SH3BP4: variants seen among roughly 807,000 people sequenced by gnomAD.
SH3BP4 encodes the protein SH3 domain-binding protein 4.
Under a neutral mutation model 65.5 loss-of-function variants are expected in SH3BP4, and 33 were observed. The observed-to-expected ratio is 0.50, with a 90% CI of 0.38 to 0.67. The LOEUF is 0.67. Ranked by LOEUF, SH3BP4 falls within the 30% of genes least tolerant of loss-of-function variation. The pLI is 0.00. For missense variants in SH3BP4, 1,134 were observed against 1,261.4 expected, an observed-to-expected ratio of 0.90 and a Z score of 1.53; for synonymous variants, 552 against 545.5, an observed-to-expected ratio of 1.01 and a Z score of -0.17.
At chr2:235,004,499 C>A (rs1012764041) in intron 2 of SH3BP4, among the ~76,000 whole-genome samples, 3 of 152,186 alleles carry the variant, frequency 2.0e-5, no homozygotes, top group African/African-American at 7.2e-5. Flanking sequence ...TTTTTCAACC[C>A]TAAAGGGCAC....
intron 1 of SH3BP4, among the ~76,000 whole-genome samples, chr2:234,969,914 CTG>C (rs1016584801): frequency 3.1e-4 from 47 of 151,630 alleles, no homozygotes; most frequent in African/African-American, 1.1e-3. Flanking sequence ...TACACACACT[CTG>C]TCACACACAC....
rs763848523 is a variant in SH3BP4, at chr2:235,043,166, G to A, written c.2397G>A (p.Ala799=). The A allele has an allele frequency of 5.5e-5, 89 of 1,612,114 alleles. No individual in the cohort carries two copies. Among genetic ancestry groups the A allele is most frequent in the Non-Finnish European group, 6.8e-5 (80 of 1,179,010 alleles). The change falls in exon 4 of 6, where the codon GCG becomes GCA. Residue 799 remains alanine (A), a synonymous_variant. Transcript: ENST00000392011. The stretch of plus-strand genomic sequence containing the variant: ...TGGATAGTGAGCCCGAGCGGGTGGC[G>A]TCCGTCCTAGAAAAGCTGAAGGAGG... The part of the protein sequence containing the change: ...AELDSEPERV[A]SVLEKLKEDC...
At chr2:235,037,234 G>A (rs978709834) in intron 3 of SH3BP4, among the ~76,000 whole-genome samples, 6 of 152,232 alleles carry the variant, frequency 3.9e-5, no homozygotes, top group African/African-American at 1.4e-4. Context: ...GATAGAATTC[G>A]TTAGGGATTC....
Position 234,991,656 on chromosome 2 carries a change from G to A in SH3BP4, c.-206-3647G>A, listed in dbSNP as rs1324891480. Among the ~76,000 whole-genome samples, 1 of 152,208 alleles carries A rather than the reference G, an allele frequency of 6.6e-6. No homozygotes were observed. Among genetic ancestry groups the A allele is most frequent in the Non-Finnish European group, 1.5e-5 (1 of 68,034 alleles). On this transcript the variant is annotated intron_variant, in intron 1 of 5. Transcript: ENST00000392011. The surrounding 1 kb of genome is among the most constrained non-coding windows in gnomAD (Gnocchi z 4.2). ...CTGGTGGTGCCCACAGGAGAACAGT[G>A]CTTGACTGAAAGATCGTACCCCCCT...
At chr2:234,960,219 G>A (rs969202700) in intron 1 of SH3BP4, among the ~76,000 whole-genome samples, 4 of 152,256 alleles carry the variant, frequency 2.6e-5, no homozygotes, top group Non-Finnish European at 4.4e-5. Flanking sequence ...GCAAAGTGGT[G>A]AATACAGATA....
intron 1 of SH3BP4, among the ~76,000 whole-genome samples, chr2:234,982,357 G>A (rs760116586): frequency 5.9e-5 from 9 of 152,138 alleles, no homozygotes; most frequent in Admixed American, 1.3e-4. Context: ...GGCTGGGGTC[G>A]TGTGCCCACT....
chr2:235,016,600 G>A (rs1694691108), intron 2 of SH3BP4, among the ~76,000 whole-genome samples: 1 of 151,918 alleles, frequency 6.6e-6, no homozygotes, highest in Admixed American at 6.6e-5. Flanking sequence ...CTCTGCCCTC[G>A]TGAGTTCAAG....
Position 234,991,755 on chromosome 2 carries a change from A to T in SH3BP4, c.-206-3548A>T, listed in dbSNP as rs986881975. On this transcript the variant is annotated intron_variant, in intron 1 of 5. Coordinates refer to ENST00000392011, the MANE Select transcript of SH3BP4 (RefSeq NM_014521.3). This position sits in a 1 kb window ranked among gnomAD's most constrained non-coding sequence, Gnocchi z 4.2. ...GTTGATCAGGAGTTGGGGAAGTGGA[A>T]AGGGGCCAGCGGTCTTGTCCACTGA... 6.6e-6 allele frequency among the ~76,000 whole-genome samples: 1 copy of T among 152,144 alleles called. No homozygotes were observed. The highest frequency in any genetic ancestry group is 1.5e-5 in the Non-Finnish European group (1 of 68,020).
intron 1 of SH3BP4, among the ~76,000 whole-genome samples, chr2:234,970,047 TCACA>T (rs1017031415): frequency 2.1e-5 from 3 of 143,262 alleles, no homozygotes; most frequent in South Asian, 2.2e-4. Context: ...ATACACTTAC[TCACA>T]CACACTCATA....
chr2:235,034,763 C>T lies in SH3BP4; in HGVS notation c.-132-108C>T. Reference sequence around the variant, plus strand: ...CCAGGAAAGATGAAATGGGTCTGTCCTCATTAGAACAGCCTGGAAGAAAGA... The same window carrying T: ...CCAGGAAAGATGAAATGGGTCTGTCTTCATTAGAACAGCCTGGAAGAAAGA... On this transcript the variant is annotated intron_variant, in intron 2 of 5. Coordinates refer to ENST00000392011, the MANE Select transcript of SH3BP4 (RefSeq NM_014521.3). This position sits in a 1 kb window ranked among gnomAD's most constrained non-coding sequence, Gnocchi z 6.2. 1 of 509,170 alleles carries T rather than the reference C, an allele frequency of 2.0e-6. No individual in the cohort carries two copies. The highest frequency in any genetic ancestry group is 3.6e-6 in the Non-Finnish European group (1 of 281,164). The allele number at this position is 509,170 out of a possible 1,614,324, so 31.5% of individuals were successfully genotyped here.
chr2:235,043,197 A>G lies in SH3BP4; in HGVS notation c.2428A>G (p.Asn810Asp), dbSNP rs1384569175. The G allele has an allele frequency of 6.2e-7, 1 of 1,601,100 alleles. No individual in the cohort carries two copies. The highest frequency in any genetic ancestry group is 1.3e-5 in the African/African-American group (1 of 74,664). ...CCTAGAAAAGCTGAAGGAGGACTGT[A>G]ACAACACTGAGAACAAAGAACGGAA... ...SVLEKLKEDC[N>D]NTENKERKSF... The change falls in exon 4 of 6, where the codon AAC becomes GAC. Residue 810 changes from asparagine (N) to aspartate (D), a missense_variant. Transcript: ENST00000392011.
rs138389357 is a variant in SH3BP4 at position 235,015,832 on chromosome 2, T to C, written c.-132-19039T>C. ...TAACACGTCATCCAGGGAAGCTCCC[T>C]CTCAGGTGTCCTCCTGCATGGTATT... On this transcript the variant is annotated intron_variant, in intron 2 of 5. Coordinates refer to ENST00000392011, the MANE Select transcript of SH3BP4 (RefSeq NM_014521.3). Among the ~76,000 whole-genome samples, 667 of 152,180 alleles carry C rather than the reference T, an allele frequency of 4.4e-3. 9 individuals are homozygous for C. Among genetic ancestry groups the C allele is most frequent in the African/African-American group, 0.015 (632 of 41,526 alleles).
Position 235,054,026 on chromosome 2 carries a change from A to G in SH3BP4, c.*210A>G, listed in dbSNP as rs868805925. 1.4e-4 allele frequency: 74 copies of G among 513,760 alleles called. No homozygotes were observed. The highest frequency in any genetic ancestry group is 1.0e-3 in the Middle Eastern group (2 of 1,992). The allele number at this position is 513,760 out of a possible 1,614,324, so 31.8% of individuals were successfully genotyped here. On this transcript the variant is annotated 3_prime_UTR_variant, in exon 6 of 6. Coordinates refer to ENST00000392011, the MANE Select transcript of SH3BP4 (RefSeq NM_014521.3). ...CCTACTGCAGCTCGTTGCCAATCACATAGCTTTCTATTTGTTAAGTATAAA... is the reference window on the plus strand; with the variant it reads ...CCTACTGCAGCTCGTTGCCAATCACGTAGCTTTCTATTTGTTAAGTATAAA...
rs762788769 is a variant in SH3BP4, at chr2:235,040,910, C to T, written c.141C>T (p.Leu47=). Reference sequence around the variant, plus strand: ...CAGTGCCTTCTCCCAGTGCCTTGCTCGTAGACAACCCCACACCTTTCGGAA... The same window carrying T: ...CAGTGCCTTCTCCCAGTGCCTTGCTTGTAGACAACCCCACACCTTTCGGAA... ...DIKVPSPSAL[L]VDNPTPFGNA... The change falls in exon 4 of 6, where the codon CTC becomes CTT. Residue 47 remains leucine, a synonymous_variant. Coordinates refer to ENST00000392011, the MANE Select transcript of SH3BP4 (RefSeq NM_014521.3). 5 of 1,612,106 alleles carry T rather than the reference C, an allele frequency of 3.1e-6. No homozygotes were observed. The highest frequency in any genetic ancestry group is 3.3e-5 in the Admixed American group (2 of 59,980).
intron 2 of SH3BP4, among the ~76,000 whole-genome samples, chr2:235,006,895 T>C (rs1400332369): frequency 6.6e-6 from 1 of 151,918 alleles, no homozygotes; most frequent in African/African-American, 2.4e-5. Flanking sequence ...TGGTGTTTAG[T>C]GAAGAAGATT....
At chr2:235,013,604 C>G (rs1055216082) in intron 2 of SH3BP4, among the ~76,000 whole-genome samples, 9 of 152,212 alleles carry the variant, frequency 5.9e-5, no homozygotes, top group African/African-American at 2.2e-4. Context: ...ATCAACACTG[C>G]CTCAAGAGCT....
rs1276925187 is a variant in SH3BP4, at chr2:234,991,650, A to T, written c.-206-3653A>T. On this transcript the variant is annotated intron_variant, in intron 1 of 5. Coordinates refer to ENST00000392011, the MANE Select transcript of SH3BP4 (RefSeq NM_014521.3). The surrounding 1 kb of genome is among the most constrained non-coding windows in gnomAD (Gnocchi z 4.2). ...TGGTGTCTGGTGGTGCCCACAGGAG[A>T]ACAGTGCTTGACTGAAAGATCGTAC... Among the ~76,000 whole-genome samples the T allele has an allele frequency of 6.6e-6, 1 of 152,140 alleles. No homozygotes were observed. The highest frequency in any genetic ancestry group is 2.4e-5 in the African/African-American group (1 of 41,424).
chr2:235,015,025 T>G (rs968686480), intron 2 of SH3BP4, among the ~76,000 whole-genome samples: 2 of 152,244 alleles, frequency 1.3e-5, no homozygotes, highest in African/African-American at 4.8e-5. Context: ...TGTTTGGGCC[T>G]TAAATGGCTC....
intron 2 of SH3BP4, among the ~76,000 whole-genome samples, chr2:235,020,902 C>T (rs555627210): frequency 2.2e-4 from 33 of 152,320 alleles, no homozygotes; most frequent in African/African-American, 2.6e-4. Flanking sequence ...CAGCCAGACT[C>T]TAGGCAGAGT....
Sources: gnomAD v4.1 joint callset for allele counts (sites outside exome capture counted in the v4.1 genomes callset) on GRCh38, gnomAD v4.1.1 for gene constraint, Gnocchi (gnomAD v3.1) non-coding constraint, MANE v1.5 for transcripts, NCBI Gene and HGNC (gene_info 2026-07-23, HGNC 2026-07-21) for gene names.